MFSD6: variants seen among roughly 807,000 people sequenced by gnomAD.
MFSD6 encodes major facilitator superfamily domain-containing protein 6.
Under a neutral mutation model 56.3 loss-of-function variants are expected in MFSD6, and 26 were observed. The observed-to-expected ratio is 0.46, with a 90% CI of 0.34 to 0.64. MFSD6 has a LOEUF of 0.64. Ranked by LOEUF, MFSD6 falls within the 30% of genes least tolerant of loss-of-function variation. The pLI, the probability that MFSD6 is intolerant of heterozygous loss-of-function variation, is 0.01. For missense variants in MFSD6, 750 were observed against 986.2 expected (o/e 0.76, Z 3.21); for synonymous variants, 331 against 366.9 (o/e 0.90, Z 1.12).
In MFSD6 at chr2:190,459,443, A is replaced by G. The variant is rs1028944056; in HGVS notation, c.1533-10315A>G. Reference sequence around the variant, plus strand: ...TTGTGTCATATGTATACCTTAAGCCATATCCTAGGAAATTTTTAAACAAAA... The same window carrying G: ...TTGTGTCATATGTATACCTTAAGCCGTATCCTAGGAAATTTTTAAACAAAA... On this transcript the variant is annotated intron_variant, in intron 3 of 7. Coordinates refer to ENST00000392328, the MANE Select transcript of MFSD6 (RefSeq NM_017694.4). This position sits in a 1 kb window ranked among gnomAD's most constrained non-coding sequence, Gnocchi z 5.3. 6.6e-6 allele frequency among the ~76,000 whole-genome samples: 1 copy of G among 152,250 alleles called. No individual in the cohort carries two copies. The highest frequency in any genetic ancestry group is 1.5e-5 in the Non-Finnish European group (1 of 68,038).
chr2:190,445,220 C>T (rs1373239699), intron 3 of MFSD6, among the ~76,000 whole-genome samples: 2 of 152,094 alleles, frequency 1.3e-5, no homozygotes, highest in African/African-American at 4.8e-5. Flanking sequence ...AGAATTGATG[C>T]AAAGCACTCA....
rs1256275882 is a variant in MFSD6, at chr2:190,500,266, C to A, written c.*48C>A. On this transcript the variant is annotated 3_prime_UTR_variant, in exon 8 of 8. Coordinates refer to ENST00000392328, the MANE Select transcript of MFSD6 (RefSeq NM_017694.4). The surrounding 1 kb of genome is among the most constrained non-coding windows in gnomAD (Gnocchi z 5.3). ...CCTGCATGGAATCAGGCTCCTCAGC[C>A]AGGACACAGGGTGAGGCCCCCCAGC... 7 of 1,604,328 alleles carry A rather than the reference C, an allele frequency of 4.4e-6. No individual in the cohort carries two copies. In the Admixed American group the frequency reaches 6.7e-5, roughly 15 times the overall value.
At position 190,411,063 on chromosome 2, in the gene MFSD6, GA is replaced by G. The variant is rs1275550515; in HGVS notation, c.-176+2571del. 3.5e-3 allele frequency: 2,665 copies of G among 763,236 alleles called. 6 individuals are homozygous for G. The highest frequency in any genetic ancestry group is 8.5e-3 in the African/African-American group (394 of 46,532). 47.3% of individuals were successfully genotyped at this position (763,236 alleles called of 1,614,324 possible). ...GAGCGAGACTCTATCTCAAAAAAAAGAAAAAAAAAAACTAGCTTCAGAAGAA... is the reference window on the plus strand; with the variant it reads ...GAGCGAGACTCTATCTCAAAAAAAAGAAAAAAAAAACTAGCTTCAGAAGAA... On this transcript the variant is annotated intron_variant, in intron 1 of 7. Coordinates refer to ENST00000392328, the MANE Select transcript of MFSD6 (RefSeq NM_017694.4).
At chr2:190,435,788 G>A in intron 2 of MFSD6, 189 bp from the exon 3 acceptor site, 1 of 475,046 alleles carries the variant, frequency 2.1e-6, no homozygotes, top group East Asian at 3.5e-5. Context: ...TGGCCATAAA[G>A]AGTATTCGAT....
intron 2 of MFSD6, among the ~76,000 whole-genome samples, chr2:190,432,113 T>A (rs1399428299): frequency 1.3e-5 from 2 of 152,248 alleles, no homozygotes; most frequent in African/African-American, 4.8e-5. Context: ...AAGGTCTTGA[T>A]AACTCTGAGT....
Position 190,412,169 on chromosome 2 carries a change from C to G in MFSD6, c.-175-3123C>G, listed in dbSNP as rs1301120894. On this transcript the variant is annotated intron_variant, in intron 1 of 7. Coordinates refer to ENST00000392328, the MANE Select transcript of MFSD6 (RefSeq NM_017694.4). This position sits in a 1 kb window ranked among gnomAD's most constrained non-coding sequence, Gnocchi z 4.1. ...ATTAACTAAAACCACTGCTTAGAAT[C>G]CTTAAAAATTAATACATTTCCAGAC... 3 of 983,890 alleles carry G rather than the reference C, an allele frequency of 3.0e-6. No individual in the cohort carries two copies. Among genetic ancestry groups the G allele is most frequent in the Admixed American group, 1.2e-4 (2 of 16,260 alleles). 60.9% of individuals were successfully genotyped at this position (983,890 alleles called of 1,614,324 possible).
chr2:190,455,055 GA>G (rs902285083), intron 3 of MFSD6, among the ~76,000 whole-genome samples: 3 of 151,470 alleles, frequency 2.0e-5, no homozygotes, highest in African/African-American at 7.3e-5. Flanking sequence ...TGCAAGCCTG[GA>G]AAGGAACAGA....
In MFSD6 at chr2:190,460,290, A is replaced by G. The variant is rs565807012; in HGVS notation, c.1533-9468A>G. Reference sequence around the variant, plus strand: ...ATGTTAGTCAAAAATGTTGCAGAATATAGACATCTATTTTTTAAATATATT... The same window carrying G: ...ATGTTAGTCAAAAATGTTGCAGAATGTAGACATCTATTTTTTAAATATATT... On this transcript the variant is annotated intron_variant, in intron 3 of 7. Coordinates refer to ENST00000392328, the MANE Select transcript of MFSD6 (RefSeq NM_017694.4). Among the ~76,000 whole-genome samples the G allele has an allele frequency of 3.9e-5, 6 of 152,344 alleles. No individual in the cohort carries two copies. The East Asian group carries it at 9.6e-4, about 24-fold the overall frequency.
chr2:190,408,320 TC>T (rs1314991477), upstream of MFSD6: 22 of 151,748 alleles, frequency 1.4e-4, no homozygotes, highest in Non-Finnish European at 2.9e-4. Context: ...CCGGTCCGCA[TC>T]CCTCGCCTCG....
intron 3 of MFSD6, among the ~76,000 whole-genome samples, chr2:190,468,747 A>G (rs1176890066): frequency 6.6e-6 from 1 of 151,736 alleles, no homozygotes. Context: ...GCATGAGTCA[A>G]TACACTCAGT....
rs1355840610 is a variant in MFSD6, at chr2:190,491,584, G to A, written c.1891+1718G>A. On this transcript the variant is annotated intron_variant, in intron 6 of 7. Transcript: ENST00000392328. This position sits in a 1 kb window ranked among gnomAD's most constrained non-coding sequence, Gnocchi z 4.2. ...GACAATCACTACAGCCTGGCTGTCA[G>A]GAAGCCACATCCCTCAGAAAACAGG... is the stretch of plus-strand genomic sequence containing the variant. 1.3e-5 allele frequency among the ~76,000 whole-genome samples: 2 copies of A among 152,182 alleles called. No individual in the cohort carries two copies. The highest frequency in any genetic ancestry group is 2.9e-5 in the Non-Finnish European group (2 of 68,030).
At chr2:190,464,891 T>G in intron 3 of MFSD6, 2 of 982,770 alleles carry the variant, frequency 2.0e-6, no homozygotes, top group Middle Eastern at 5.2e-4. Context: ...TTCACTGTGG[T>G]TTTTAGTGGC....
intron 2 of MFSD6, among the ~76,000 whole-genome samples, chr2:190,429,998 C>T (rs1221943269): frequency 2.1e-5 from 3 of 146,166 alleles, no homozygotes; most frequent in Non-Finnish European, 3.0e-5. Context: ...CCTCCCCCAG[C>T]TCCCCACCCC....
rs1211931784 is a variant in MFSD6 at position 190,438,597 on chromosome 2, TA to T, written c.1532+1037del. ...CACCATTAATGTGCACCTTGCTCTT[TA>T]GAGATCTTTCTGCTCTGTTGGCTCT... is the stretch of plus-strand genomic sequence containing the variant. On this transcript the variant is annotated intron_variant, in intron 3 of 7. Coordinates refer to ENST00000392328, the MANE Select transcript of MFSD6 (RefSeq NM_017694.4). The surrounding 1 kb of genome is among the most constrained non-coding windows in gnomAD (Gnocchi z 5.2). 6.6e-6 allele frequency among the ~76,000 whole-genome samples: 1 copy of T among 152,232 alleles called. No individual in the cohort carries two copies. Among genetic ancestry groups the T allele is most frequent in the African/African-American group, 2.4e-5 (1 of 41,462 alleles).
chr2:190,411,736 G>T (rs2124978244), intron 1 of MFSD6: 2 of 985,318 alleles, frequency 2.0e-6, no homozygotes, highest in South Asian at 4.7e-5. Context: ...GAGAATTGGG[G>T]GGCAAAGGGT....
At chr2:190,448,367 TG>T (rs1686657975) in intron 3 of MFSD6, among the ~76,000 whole-genome samples, 1 of 152,208 alleles carries the variant, frequency 6.6e-6, no homozygotes, top group Admixed American at 6.5e-5. Context: ...GATGCTTAGT[TG>T]CTTACTTGTG....
chr2:190,407,960 G>C (rs1014417007), upstream of MFSD6, among the ~76,000 whole-genome samples: 2 of 151,136 alleles, frequency 1.3e-5, no homozygotes, highest in Non-Finnish European at 2.9e-5. The surrounding 1 kb of genome is among the most constrained non-coding windows in gnomAD (Gnocchi z 5.4). Flanking sequence ...AGCGGAAGTC[G>C]CTTGGGGGTG....
chr2:190,422,257 G>A (rs955537483), intron 2 of MFSD6, among the ~76,000 whole-genome samples: 4 of 151,998 alleles, frequency 2.6e-5, no homozygotes, highest in African/African-American at 9.7e-5. Context: ...TTTTTCTGAC[G>A]GTCTCTCCTG....
chr2:190,421,458 G>T (rs988921466), intron 2 of MFSD6, among the ~76,000 whole-genome samples: 2 of 150,044 alleles, frequency 1.3e-5, no homozygotes, highest in East Asian at 2.0e-4. Context: ...TGAGAGTTAT[G>T]GATGTATGAA....
Sources: allele counts gnomAD v4.1 joint callset (sites outside exome capture counted in the v4.1 genomes callset), GRCh38; gene constraint gnomAD v4.1.1; non-coding constraint Gnocchi (gnomAD v3.1); transcripts MANE v1.5; gene names NCBI Gene and HGNC (gene_info 2026-07-23, HGNC 2026-07-21).